Variants in MAGI1 observed in about 807,000 individuals in gnomAD.
The protein encoded by MAGI1 is membrane-associated guanylate kinase, WW and PDZ domain-containing protein 1.
MAGI1 carries 58 observed loss-of-function variants against 139.9 expected under a neutral mutation model. That is an observed-to-expected ratio of 0.41 (90% CI 0.34 to 0.52). MAGI1 has a LOEUF of 0.52. Among genes scored for constraint, MAGI1 ranks in the 20% least tolerant of loss-of-function variants. The pLI is 0.12. For synonymous variants in MAGI1, 812 were observed against 737.9 expected (o/e 1.10, Z -1.63); for missense variants, 1,874 against 1,901.6 (o/e 0.99, Z 0.27).
Position 65,583,172 on chromosome 3 carries a change from CACATGTGGCTAGTGACCACTGACCTGG to C in MAGI1, c.430+38773_430+38799del, listed in dbSNP as rs2081517398. ...CACGTATCTCAATGGCCCCAACAGTCACATGTGGCTAGTGACCACTGACCTGGACAGTGTGAGTCCAGATGTCAAGCA... is the reference window on the plus strand; with the variant it reads ...CACGTATCTCAATGGCCCCAACAGTCACAGTGTGAGTCCAGATGTCAAGCA... On this transcript the variant is annotated intron_variant, in intron 2 of 22. Transcript: ENST00000402939. Among the ~76,000 whole-genome samples, 3 of 152,158 alleles carry C rather than the reference CACATGTGGCTAGTGACCACTGACCTGG, an allele frequency of 2.0e-5. No individual in the cohort carries two copies. In the East Asian group the frequency reaches 5.8e-4, roughly 29 times the overall value.
At chr3:65,359,315 T>G (rs1940535545) in intron 22 of MAGI1, 1 of 1,431,308 alleles carries the variant, frequency 7.0e-7, no homozygotes, top group East Asian at 2.5e-5. Context: ...TCAGACAGTC[T>G]AAGGCAACAC....
At chr3:65,846,448 A>G (rs1011882800) in intron 1 of MAGI1, among the ~76,000 whole-genome samples, 1 of 152,192 alleles carries the variant, frequency 6.6e-6, no homozygotes, top group African/African-American at 2.4e-5. Context: ...AGCTACTCTA[A>G]CCACACTTCA....
rs186715839 is a variant in MAGI1, at chr3:65,444,678, G to C, written c.1079-1829C>G. Among the ~76,000 whole-genome samples the C allele has an allele frequency of 3.9e-5, 6 of 152,232 alleles. No homozygotes were observed. The East Asian group carries it at 1.2e-3, about 29-fold the overall frequency. On this transcript the variant is annotated intron_variant, in intron 7 of 22. Coordinates refer to ENST00000402939, the MANE Select transcript of MAGI1 (RefSeq NM_001033057.2). ...TCTAAGCAGAAAATTCAGCCACGTG[G>C]TATGTGCTTTGATGGAGGGCCGAGG...
At chr3:65,863,817 C>T (rs147735148) in intron 1 of MAGI1, among the ~76,000 whole-genome samples, 121 of 152,188 alleles carry the variant, frequency 8.0e-4, no homozygotes, top group African/African-American at 2.8e-3. Context: ...CTATAAAAAT[C>T]GACATAGTCC....
At chr3:65,662,885 T>C (rs1199399872) in intron 1 of MAGI1, among the ~76,000 whole-genome samples, 1 of 152,186 alleles carries the variant, frequency 6.6e-6, no homozygotes, top group Non-Finnish European at 1.5e-5. Flanking sequence ...TAATCACTAT[T>C]CTGCTGGTAG....
At chr3:65,822,292 C>T (rs1475659938) in intron 1 of MAGI1, among the ~76,000 whole-genome samples, 1 of 152,102 alleles carries the variant, frequency 6.6e-6, no homozygotes, top group African/African-American at 2.4e-5. Flanking sequence ...ATACCTAAAT[C>T]CAAGGCAGGC....
chr3:65,445,589 AG>A (rs1459334553), intron 7 of MAGI1, among the ~76,000 whole-genome samples: 1 of 152,188 alleles, frequency 6.6e-6, no homozygotes, highest in East Asian at 1.9e-4. Flanking sequence ...GGGTGGGAGG[AG>A]AACTTACTTT....
intron 21 of MAGI1, among the ~76,000 whole-genome samples, chr3:65,362,156 T>C (rs1289648088): frequency 6.6e-6 from 1 of 152,212 alleles, no homozygotes; most frequent in Admixed American, 6.5e-5. Flanking sequence ...TTTAACTTCC[T>C]GGAGTCTACT....
intron 7 of MAGI1, among the ~76,000 whole-genome samples, chr3:65,446,776 G>A (rs534221310): frequency 6.6e-6 from 1 of 152,176 alleles, no homozygotes; most frequent in African/African-American, 2.4e-5. Context: ...CTATCATTCA[G>A]GGTGAACCTT....
chr3:65,361,848 G>A (rs1482847741), intron 21 of MAGI1, among the ~76,000 whole-genome samples: 1 of 152,176 alleles, frequency 6.6e-6, no homozygotes, highest in Non-Finnish European at 1.5e-5. Flanking sequence ...AATGAAATGA[G>A]GGACTGCCCT....
rs144993245 is a variant in MAGI1, at chr3:65,955,500, C to T, written c.313+82496G>A. ...AGGGCAAATGAAGCAGGAGAAGGCT[C>T]GGAGGGAACCCACCTGAAATGAAGC... On this transcript the variant is annotated intron_variant, in intron 1 of 22. Coordinates refer to ENST00000402939, the MANE Select transcript of MAGI1 (RefSeq NM_001033057.2). Among the ~76,000 whole-genome samples the T allele has an allele frequency of 3.5e-3, 535 of 152,182 alleles. 4 individuals carry two copies. Among genetic ancestry groups the T allele is most frequent in the African/African-American group, 0.012 (504 of 41,516 alleles).
At chr3:65,712,456 A>G (rs747201367) in intron 1 of MAGI1, among the ~76,000 whole-genome samples, 6 of 129,110 alleles carry the variant, frequency 4.6e-5, no homozygotes, top group Admixed American at 2.3e-4. Flanking sequence ...CCCAAGCAAG[A>G]AAAAAAAAAA....
At chr3:65,875,934 C>T (rs1330600455) in intron 1 of MAGI1, among the ~76,000 whole-genome samples, 5 of 152,060 alleles carry the variant, frequency 3.3e-5, no homozygotes, top group Non-Finnish European at 5.9e-5. Flanking sequence ...AGAAACCAAC[C>T]AGTCCACATT....
chr3:65,484,854 A>AC (rs1951529120), intron 3 of MAGI1, among the ~76,000 whole-genome samples: 2 of 151,920 alleles, frequency 1.3e-5, no homozygotes, highest in East Asian at 3.9e-4. Context: ...GGAACCACAT[A>AC]CCTCCCCTTC....
chr3:65,506,169 G>C (rs1254155925), intron 2 of MAGI1, among the ~76,000 whole-genome samples: 1 of 152,160 alleles, frequency 6.6e-6, no homozygotes, highest in Non-Finnish European at 1.5e-5. Context: ...TTTGCAAACT[G>C]TGCAACCATA....
At chr3:65,737,855 TACCGAAAAC>T (rs773745432) in intron 1 of MAGI1, among the ~76,000 whole-genome samples, 2 of 152,058 alleles carry the variant, frequency 1.3e-5, no homozygotes. Context: ...CTTAACCAAT[TACCGAAAAC>T]AACACACACA....
chr3:65,460,863 G>T (rs1430060756), intron 5 of MAGI1, among the ~76,000 whole-genome samples: 1 of 152,102 alleles, frequency 6.6e-6, no homozygotes, highest in Non-Finnish European at 1.5e-5. Context: ...CCATGTCCCT[G>T]CAAAGGACAT....
chr3:65,863,222 G>A (rs1002306159), intron 1 of MAGI1, among the ~76,000 whole-genome samples: 5 of 152,126 alleles, frequency 3.3e-5, no homozygotes, highest in African/African-American at 1.2e-4. Flanking sequence ...TGTGATACTG[G>A]TTACCATGTC....
Position 65,867,760 on chromosome 3 carries a change from G to A in MAGI1, c.313+170236C>T, listed in dbSNP as rs183660135. Among the ~76,000 whole-genome samples, 19 of 152,146 alleles carry A rather than the reference G, an allele frequency of 1.2e-4. No homozygotes were observed. In the East Asian group the frequency reaches 3.5e-3, roughly 28 times the overall value. ...AGAGCGAGACCCTGAATCAAAAAAG[G>A]GGTGGGAGTGGGGGTATGAGTGGGC... On this transcript the variant is annotated intron_variant, in intron 1 of 22. Coordinates refer to ENST00000402939, the MANE Select transcript of MAGI1 (RefSeq NM_001033057.2).
Sources: gnomAD v4.1 joint callset for allele counts (sites outside exome capture counted in the v4.1 genomes callset) on GRCh38, gnomAD v4.1.1 for gene constraint, MANE v1.5 for transcripts, NCBI Gene and HGNC (gene_info 2026-07-23, HGNC 2026-07-21) for gene names.